Variants in FBXO27 observed in about 807,000 individuals in gnomAD.
FBXO27 encodes F-box only protein 27.
In FBXO27, 28 loss-of-function variants were observed where a neutral mutation model predicts 28.3. The observed-to-expected ratio is 0.99, with a 90% CI of 0.73 to 1.36. The LOEUF (loss-of-function observed/expected upper bound fraction) is 1.36, where lower values mean the gene tolerates loss of function less well. Among genes scored for constraint, FBXO27 ranks in the 40% most tolerant of loss-of-function variants. FBXO27 has a pLI of 0.00. For missense variants in FBXO27, 388 were observed against 394.1 expected, an observed-to-expected ratio of 0.98 and a Z score of 0.13; for synonymous variants, 175 against 167.3, an observed-to-expected ratio of 1.05 and a Z score of -0.36.
Position 39,011,394 on chromosome 19 carries a change from TG to T in FBXO27, c.252+2992del, listed in dbSNP as rs1158983446. 2.0e-5 allele frequency among the ~76,000 whole-genome samples: 3 copies of T among 152,330 alleles called. No homozygotes were observed. In the East Asian group the frequency reaches 5.8e-4, roughly 29 times the overall value. On this transcript the variant is annotated intron_variant, in intron 2 of 2. Coordinates refer to the FBXO27 transcript ENST00000598394. ...TTGCAGTGAGCTGAGACTGTGCCGCTGGACTCCACCCTGGGCAACAGAGCGA... is the reference window on the plus strand; with the variant it reads ...TTGCAGTGAGCTGAGACTGTGCCGCTGACTCCACCCTGGGCAACAGAGCGA...
chr19:39,010,759 C>T (rs995643110), intron 2 of FBXO27, among the ~76,000 whole-genome samples: 2 of 152,390 alleles, frequency 1.3e-5, no homozygotes, highest in South Asian at 4.1e-4. Flanking sequence ...GACTGCAAAA[C>T]TGCCCTGAGC....
intron 5 of FBXO27, among the ~76,000 whole-genome samples, chr19:39,025,888 C>T (rs868313278): frequency 2.6e-5 from 4 of 151,962 alleles, no homozygotes; most frequent in Non-Finnish European, 4.4e-5. Flanking sequence ...CTTGGTGGCA[C>T]GTGCCTGTAG....
In FBXO27 at chr19:39,032,048, C is replaced by G; in HGVS notation, c.180G>C (p.Leu60=). Residue 60 remains leucine, a synonymous_variant, in exon 2 of 6, where the codon CTG becomes CTC. Transcript: ENST00000292853. This position sits in a 1 kb window ranked among gnomAD's most constrained non-coding sequence, Gnocchi z 4.7. ...CRQVCRGWRA[L]VDGQALWLLI... ...GCAGCCACAGGGCCTGGCCGTCCAC[C>G]AGGGCTCGCCAGCCCCGGCACACTT... 2 of 1,528,828 alleles carry G rather than the reference C, an allele frequency of 1.3e-6. No homozygotes were observed. Among genetic ancestry groups the G allele is most frequent in the Non-Finnish European group, 1.7e-6 (2 of 1,143,400 alleles). 94.7% of individuals were successfully genotyped at this position (1,528,828 alleles called of 1,614,324 possible).
chr19:39,029,548 A>AAAACTAGAGAAGGGGGACACTGT (rs2072891333), intron 4 of FBXO27, among the ~76,000 whole-genome samples: 1 of 151,946 alleles, frequency 6.6e-6, no homozygotes, highest in African/African-American at 2.4e-5. Context: ...TTTTTCCTAT[A>AAAACTAGAGAAGGGGGACACTGT]AAACTAGAGA....
chr19:39,018,501 AC>A (rs1252053513), intron 1 of FBXO27, among the ~76,000 whole-genome samples: 1 of 151,978 alleles, frequency 6.6e-6, no homozygotes, highest in African/African-American at 2.4e-5. Context: ...AATATCGTAA[AC>A]CCTGAATAAC....
chr19:39,023,347 G>A (rs1046055944), downstream of FBXO27, among the ~76,000 whole-genome samples: 3 of 152,094 alleles, frequency 2.0e-5, no homozygotes, highest in Admixed American at 6.6e-5. Flanking sequence ...CTGGCTTATC[G>A]AAAGCTTTGA....
chr19:39,009,734 A>AGGG (rs2072785793), intron 2 of FBXO27, among the ~76,000 whole-genome samples: 1 of 152,010 alleles, frequency 6.6e-6, no homozygotes, highest in South Asian at 2.1e-4. Flanking sequence ...ATTCTCTCCC[A>AGGG]GTCTGTGGGT....
At position 39,025,258 on chromosome 19, in the gene FBXO27, A is replaced by T; in HGVS notation, c.*153T>A. ...TCTTCTGGTAGTTTCTAGAACCTGA[A>T]GACAGGGCCCGTCAGGGCCTTTGAT... On this transcript the variant is annotated 3_prime_UTR_variant, in exon 6 of 6. Transcript: ENST00000292853. 9.8e-7 allele frequency: 1 copy of T among 1,023,084 alleles called. No homozygotes were observed. Among genetic ancestry groups the T allele is most frequent in the South Asian group, 1.7e-5 (1 of 57,996 alleles). 63.4% of individuals were successfully genotyped at this position (1,023,084 alleles called of 1,614,324 possible).
intron 2 of FBXO27, among the ~76,000 whole-genome samples, chr19:39,006,396 A>G (rs1975734518): frequency 6.6e-6 from 1 of 152,076 alleles, no homozygotes; most frequent in Non-Finnish European, 1.5e-5. Context: ...CGTCTCTACT[A>G]AAAATACAAA....
chr19:39,025,326 T>G lies in FBXO27; in HGVS notation c.*85A>C. ...AGTATGCCAGGGAGGTACAAGTGCT[T>G]GGTTGGTTAATGAGGGGTCCCAGCC... On this transcript the variant is annotated 3_prime_UTR_variant, in exon 6 of 6. Transcript: ENST00000292853. 1 of 1,500,248 alleles carries G rather than the reference T, an allele frequency of 6.7e-7. No individual in the cohort carries two copies. The highest frequency in any genetic ancestry group is 9.0e-7 in the Non-Finnish European group (1 of 1,115,000). The allele number at this position is 1,500,248 out of a possible 1,614,324, so 92.9% of individuals were successfully genotyped here.
At chr19:39,020,856 AT>A (rs557932814), downstream of FBXO27, among the ~76,000 whole-genome samples, 221 of 145,580 alleles carry the variant, frequency 1.5e-3, 2 homozygotes, top group Admixed American at 3.5e-3. Flanking sequence ...TTAACAGAAG[AT>A]TTTTTTTTTT....
chr19:39,007,310 C>T (rs766741435), intron 2 of FBXO27, among the ~76,000 whole-genome samples: 3 of 152,136 alleles, frequency 2.0e-5, no homozygotes, highest in Non-Finnish European at 4.4e-5. Flanking sequence ...ATGGGTTTTG[C>T]ATGTCCATGA....
rs1191448651 is a variant in FBXO27, at chr19:39,032,184, G to T, written c.44C>A (p.Ala15Glu). ...VSRGRAARVP[A>E]PEPEPEEALD... ...CGCCTCTTCGGGTTCCGGCTCCGGC[G>T]CGGGGACCCGGGCGGCCCGGCCCCT... Residue 15 changes from alanine to glutamate, a missense_variant, in exon 2 of 6, where the codon GCG becomes GAG. Physicochemically the swap from Ala to Glu is moderately radical, Grantham distance 107 (BLOSUM62 -1). Transcript: ENST00000292853. The surrounding 1 kb of genome is among the most constrained non-coding windows in gnomAD (Gnocchi z 4.7). 6.0e-6 allele frequency: 9 copies of T among 1,495,770 alleles called. No homozygotes were observed. The Admixed American group carries it at 1.2e-4, about 19-fold the overall frequency. 92.7% of individuals were successfully genotyped at this position (1,495,770 alleles called of 1,614,324 possible). A position where few individuals can be genotyped will look rare whatever the true frequency, so the allele number is the denominator to read the frequency against.
intron 2 of FBXO27, 48 bp from the exon 3 acceptor site, chr19:39,031,368 T>G (rs2072902416): frequency 2.5e-6 from 4 of 1,576,628 alleles, no homozygotes; most frequent in Non-Finnish European, 3.5e-6. Flanking sequence ...GCCCGCCTGT[T>G]GGTTCCTAGT....
intron 2 of FBXO27, among the ~76,000 whole-genome samples, chr19:39,013,080 C>T (rs1308988542): frequency 6.6e-6 from 1 of 152,210 alleles, no homozygotes; most frequent in Non-Finnish European, 1.5e-5. Flanking sequence ...AAAGCTCAAT[C>T]CCTTTCTGGG....
chr19:39,010,080 G>A (rs986889033), intron 2 of FBXO27, among the ~76,000 whole-genome samples: 1 of 152,044 alleles, frequency 6.6e-6, no homozygotes, highest in African/African-American at 2.4e-5. Flanking sequence ...AAAGTGCTGG[G>A]ATTAGAGGTG....
At chr19:39,029,426 CAAAAAA>C (rs35521168) in intron 4 of FBXO27, among the ~76,000 whole-genome samples, 5 of 101,752 alleles carry the variant, frequency 4.9e-5, no homozygotes, top group Admixed American at 4.4e-4. Flanking sequence ...GACTCTGTCT[CAAAAAA>C]AAAAAAAAAA....
rs2072865777 is a variant in FBXO27, at chr19:39,025,235, T to C, written c.*176A>G. ...AGGTAGATAAGATGGAAGAAGCTTC[T>C]TCTGGTAGTTTCTAGAACCTGAAGA... On this transcript the variant is annotated 3_prime_UTR_variant, in exon 6 of 6. Transcript: ENST00000292853. The C allele has an allele frequency of 2.1e-5, 17 of 795,182 alleles. No homozygotes were observed. The highest frequency in any genetic ancestry group is 3.1e-5 in the Non-Finnish European group (16 of 517,996). 49.3% of individuals were successfully genotyped at this position (795,182 alleles called of 1,614,324 possible). A position where few individuals can be genotyped will look rare whatever the true frequency, so the allele number is the denominator to read the frequency against.
rs149813990 is a variant in FBXO27 at position 39,026,869 on chromosome 19, C to A, written c.708+1G>T. ...TCCCCAAACCCCCATAGGAGACTCA[C>A]GTGAAGGCAGGCATTGTTGTTCCAC... is the stretch of plus-strand genomic sequence containing the variant. On this transcript the variant is annotated splice_donor_variant, in intron 5 of 5. Coordinates refer to ENST00000292853, the MANE Select transcript of FBXO27 (RefSeq NM_178820.5). LOFTEE classifies it high-confidence loss of function. The A allele has an allele frequency of 1.2e-6, 2 of 1,613,968 alleles. No individual in the cohort carries two copies. The highest frequency in any genetic ancestry group is 1.1e-5 in the South Asian group (1 of 91,072).
Sources: allele counts gnomAD v4.1 joint callset (sites outside exome capture counted in the v4.1 genomes callset), GRCh38; gene constraint gnomAD v4.1.1; non-coding constraint Gnocchi (gnomAD v3.1); transcripts MANE v1.5; gene names NCBI Gene and HGNC (gene_info 2026-07-23, HGNC 2026-07-21).